Variants in SOX30 observed in about 807,000 individuals in gnomAD.
SOX30 encodes SRY-box transcription factor 30, also known as transcription factor SOX-30.
SOX30 carries 17 observed loss-of-function variants against 58.6 expected under a neutral mutation model. The ratio of observed to expected loss-of-function variants is 0.29; its 90% CI spans 0.20 to 0.44. The LOEUF is 0.44. Ranked by LOEUF, SOX30 falls within the 20% of genes least tolerant of loss-of-function variation. The pLI, the probability that SOX30 is intolerant of heterozygous loss-of-function variation, is 1.00. For missense variants in SOX30, 951 were observed against 965.8 expected (o/e 0.98, Z 0.20); for synonymous variants, 421 against 400.2 (o/e 1.05, Z -0.62).
At chr5:157,635,614 ACT>A (rs1367648935) in intron 4 of SOX30, among the ~76,000 whole-genome samples, 3 of 150,842 alleles carry the variant, frequency 2.0e-5, no homozygotes, top group African/African-American at 7.3e-5. Context: ...ACAGAGCAAG[ACT>A]CTGTCTCAAA....
chr5:157,627,699 A>C (rs746492949), intron 4 of SOX30, among the ~76,000 whole-genome samples: 2 of 152,162 alleles, frequency 1.3e-5, no homozygotes, highest in African/African-American at 2.4e-5. Context: ...CAGTTTTAAA[A>C]GTTATGGTTT....
intron 2 of SOX30, among the ~76,000 whole-genome samples, chr5:157,665,983 T>C (rs976935661): frequency 6.6e-6 from 1 of 150,586 alleles, no homozygotes; most frequent in Non-Finnish European, 1.5e-5. Flanking sequence ...TCGGCTCAAA[T>C]TTCAAAGCAA....
chr5:157,649,379 T>C (rs1349656044), intron 1 of SOX30, among the ~76,000 whole-genome samples: 2 of 152,224 alleles, frequency 1.3e-5, no homozygotes, highest in Non-Finnish European at 2.9e-5. Flanking sequence ...AGCAAAACTA[T>C]TTATAATATT....
At chr5:157,640,313 T>C (rs1759031735) in intron 3 of SOX30, among the ~76,000 whole-genome samples, 1 of 152,140 alleles carries the variant, frequency 6.6e-6, no homozygotes, top group Non-Finnish European at 1.5e-5. Flanking sequence ...GATACAGCTT[T>C]ATAAAAGTTC....
chr5:157,640,596 T>G (rs1759037633), intron 3 of SOX30, among the ~76,000 whole-genome samples: 1 of 152,076 alleles, frequency 6.6e-6, no homozygotes, highest in Non-Finnish European at 1.5e-5. Flanking sequence ...ATAAGCAGCA[T>G]TCCACCACAA....
intron 2 of SOX30, among the ~76,000 whole-genome samples, chr5:157,659,403 A>C (rs1759537439): frequency 6.6e-6 from 1 of 152,144 alleles, no homozygotes; most frequent in Non-Finnish European, 1.5e-5. Context: ...GAAACCCCCA[A>C]CTCAAAGGCT....
chr5:157,635,483 G>A lies in SOX30; in HGVS notation c.1880+2747C>T, dbSNP rs1048244818. ...TACTAAAAATACAAAAATTAGCCGG[G>A]TGTGGTGATAGGCACCTGTGGTCCC... On this transcript the variant is annotated intron_variant, in intron 4 of 4. Coordinates refer to ENST00000265007, the MANE Select transcript of SOX30 (RefSeq NM_178424.2). 9.9e-5 allele frequency among the ~76,000 whole-genome samples: 15 copies of A among 152,182 alleles called. 1 individual carries two copies. The highest frequency in any genetic ancestry group is 3.4e-4 in the African/African-American group (14 of 41,528).
intron 2 of SOX30, among the ~76,000 whole-genome samples, chr5:157,664,125 C>T (rs1449785438): frequency 6.6e-5 from 10 of 150,574 alleles, no homozygotes; most frequent in East Asian, 3.9e-4. Flanking sequence ...AAAAAGAGCC[C>T]GCATTGCCAA....
intron 3 of SOX30, among the ~76,000 whole-genome samples, chr5:157,645,432 G>T (rs528026216): frequency 1.4e-3 from 211 of 152,294 alleles, no homozygotes; most frequent in African/African-American, 4.6e-3. Flanking sequence ...GAGAGGTCAA[G>T]GTGGGTGGAT....
At chr5:157,661,383 G>A (rs1257578283) in intron 2 of SOX30, among the ~76,000 whole-genome samples, 1 of 152,198 alleles carries the variant, frequency 6.6e-6, no homozygotes. Flanking sequence ...TGTCTATTGA[G>A]ATGATTATAT....
intron 2 of SOX30, among the ~76,000 whole-genome samples, chr5:157,647,046 AAAG>A (rs1209612948): frequency 1.3e-5 from 2 of 149,532 alleles, no homozygotes; most frequent in Non-Finnish European, 2.9e-5. Flanking sequence ...TCATCATTGA[AAAG>A]AAGAGGGTCA....
chr5:157,669,610 G>A (rs1456609125), intron 1 of SOX30, among the ~76,000 whole-genome samples: 1 of 151,634 alleles, frequency 6.6e-6, no homozygotes, highest in East Asian at 1.9e-4. Flanking sequence ...TCCGCCTCCC[G>A]GGTTCGACTG....
At chr5:157,662,893 T>C (rs1157694269) in intron 2 of SOX30, among the ~76,000 whole-genome samples, 1 of 152,106 alleles carries the variant, frequency 6.6e-6, no homozygotes, top group Non-Finnish European at 1.5e-5. Flanking sequence ...AGCAATTGCC[T>C]TCAGAATATG....
At position 157,651,924 on chromosome 5, in the gene SOX30, G is replaced by A. The variant is rs1759360562; in HGVS notation, c.155C>T (p.Ala52Val). 2 of 1,506,554 alleles carry A rather than the reference G, an allele frequency of 1.3e-6. No homozygotes were observed. The highest frequency in any genetic ancestry group is 1.8e-6 in the Non-Finnish European group (2 of 1,132,288). 93.3% of individuals were successfully genotyped at this position (1,506,554 alleles called of 1,614,324 possible). The stretch of plus-strand genomic sequence containing the variant: ...CGCCACTGCCTCCCCGCACGACGAG[G>A]CCAAGGTCGCACTGGCTGCCGCGCT... ...TLSAAASATL[A>V]SSCGEAVASG... Residue 52 changes from alanine to valine, a missense_variant, in exon 1 of 5, where the codon GCC becomes GTC. Transcript: ENST00000265007.
intron 4 of SOX30, 69 bp from the exon 5 acceptor site, chr5:157,626,790 A>T (rs775987035): frequency 6.5e-5 from 98 of 1,496,506 alleles, no homozygotes; most frequent in Non-Finnish European, 8.7e-5. Flanking sequence ...AGACTAACAG[A>T]GCAAGTTAAT....
intron 4 of SOX30, among the ~76,000 whole-genome samples, chr5:157,632,550 C>T (rs555460098): frequency 6.6e-6 from 1 of 151,870 alleles, no homozygotes; most frequent in Non-Finnish European, 1.5e-5. Flanking sequence ...GGAGGCAGTG[C>T]AGTGAGCCGA....
At chr5:157,656,194 G>T (rs1759470886), upstream of SOX30, among the ~76,000 whole-genome samples, 1 of 152,064 alleles carries the variant, frequency 6.6e-6, no homozygotes, top group East Asian at 1.9e-4. Context: ...TATAACAGAG[G>T]TTTGATTAAT....
chr5:157,643,651 G>A (rs1322568079), intron 3 of SOX30, among the ~76,000 whole-genome samples: 1 of 151,960 alleles, frequency 6.6e-6, no homozygotes, highest in Non-Finnish European at 1.5e-5. Flanking sequence ...AATGCACAAA[G>A]CTTGCTACAG....
upstream of SOX30, chr5:157,652,467 A>T: frequency 2.4e-6 from 2 of 818,842 alleles, no homozygotes; most frequent in Non-Finnish European, 3.0e-6. Flanking sequence ...TTGCGCTTCC[A>T]GGCCGCTGAC....
Sources: gnomAD v4.1 joint callset for allele counts (sites outside exome capture counted in the v4.1 genomes callset) on GRCh38, gnomAD v4.1.1 for gene constraint, MANE v1.5 for transcripts, NCBI Gene and HGNC (gene_info 2026-07-23, HGNC 2026-07-21) for gene names.